MYO5B: variants seen among roughly 807,000 people sequenced by gnomAD.
MYO5B encodes the protein unconventional myosin-Vb.
In MYO5B, 143 loss-of-function variants were observed where a neutral mutation model predicts 229.3. The ratio of observed to expected loss-of-function variants is 0.62; its 90% CI spans 0.54 to 0.72. MYO5B has a LOEUF of 0.72. MYO5B is among the 30% of genes least tolerant of loss of function. The pLI is 0.00. For missense variants in MYO5B, 2,321 were observed against 2,331.0 expected, an observed-to-expected ratio of 1.00 and a Z score of 0.09; for synonymous variants, 918 against 885.2, an observed-to-expected ratio of 1.04 and a Z score of -0.66.
intron 2 of MYO5B, among the ~76,000 whole-genome samples, chr18:50,044,983 A>C (rs991942906): frequency 2.6e-5 from 4 of 152,076 alleles, no homozygotes; most frequent in African/African-American, 9.7e-5. Context: ...GTAAATCCAT[A>C]TTTTACATGT....
At chr18:50,002,811 G>T (rs556310869) in intron 4 of MYO5B, among the ~76,000 whole-genome samples, 3 of 152,110 alleles carry the variant, frequency 2.0e-5, no homozygotes, top group Non-Finnish European at 4.4e-5. Flanking sequence ...TCCATATGAG[G>T]ACAGGTTTAG....
chr18:49,943,527 G>C (rs556192959), intron 14 of MYO5B, among the ~76,000 whole-genome samples: 1 of 152,184 alleles, frequency 6.6e-6, no homozygotes, highest in South Asian at 2.1e-4. Flanking sequence ...TTTGTATTAG[G>C]TACTCAATTC....
intron 1 of MYO5B, among the ~76,000 whole-genome samples, chr18:50,142,811 C>T (rs150656592): frequency 1.7e-4 from 26 of 152,296 alleles, no homozygotes; most frequent in African/African-American, 5.3e-4. Flanking sequence ...TTCAGGTTTG[C>T]CTCGATTTGC....
At chr18:49,957,072 A>G (rs946873705) in intron 12 of MYO5B, among the ~76,000 whole-genome samples, 1 of 146,270 alleles carries the variant, frequency 6.8e-6, no homozygotes, top group Admixed American at 7.1e-5. Flanking sequence ...TGGTATGTCA[A>G]TTATATCTCA....
intron 12 of MYO5B, among the ~76,000 whole-genome samples, chr18:49,960,605 A>G (rs1231092040): frequency 6.6e-6 from 1 of 152,242 alleles, no homozygotes; most frequent in East Asian, 1.9e-4. Context: ...CTATCAGACT[A>G]TGCTAAATCA....
At chr18:49,932,666 AAAACAAAC>A (rs369317526) in intron 16 of MYO5B, among the ~76,000 whole-genome samples, 1 of 152,172 alleles carries the variant, frequency 6.6e-6, no homozygotes, top group African/African-American at 2.4e-5. Flanking sequence ...CTATGTTACA[AAAACAAAC>A]AAACAAACAA....
chr18:50,013,577 T>C (rs1231512799), intron 4 of MYO5B, among the ~76,000 whole-genome samples: 2 of 152,234 alleles, frequency 1.3e-5, no homozygotes, highest in Non-Finnish European at 2.9e-5. Flanking sequence ...AAGATCTTGC[T>C]TGTAGTAATT....
chr18:49,907,709 G>A (rs1362166668), intron 18 of MYO5B, among the ~76,000 whole-genome samples: 1 of 152,272 alleles, frequency 6.6e-6, no homozygotes, highest in Non-Finnish European at 1.5e-5. Context: ...GTTACTAGGA[G>A]TCGGGTTCCA....
At chr18:49,946,482 C>G (rs933553296) in intron 14 of MYO5B, 1 of 152,148 alleles carries the variant, frequency 6.6e-6, no homozygotes, top group Non-Finnish European at 1.5e-5. Flanking sequence ...AAAAATCACA[C>G]TAGGAACTTG....
chr18:49,956,597 G>C (rs1187380338), intron 12 of MYO5B, among the ~76,000 whole-genome samples: 1 of 152,172 alleles, frequency 6.6e-6, no homozygotes, highest in East Asian at 1.9e-4. Flanking sequence ...CTTATATTTT[G>C]ATAACTTCTG....
chr18:50,046,535 G>A (rs1333491006), intron 2 of MYO5B, among the ~76,000 whole-genome samples: 1 of 152,006 alleles, frequency 6.6e-6, no homozygotes, highest in Non-Finnish European at 1.5e-5. Flanking sequence ...TGGATGCAGG[G>A]GTTTTCTCAT....
intron 2 of MYO5B, among the ~76,000 whole-genome samples, chr18:50,040,926 T>C (rs2144391449): frequency 6.6e-6 from 1 of 152,334 alleles, no homozygotes; most frequent in Non-Finnish European, 1.5e-5. Context: ...GTGTTATCCT[T>C]GTATTCTTAG....
intron 4 of MYO5B, among the ~76,000 whole-genome samples, chr18:50,016,323 T>C (rs1233895172): frequency 1.3e-5 from 2 of 152,268 alleles, no homozygotes; most frequent in African/African-American, 4.8e-5. Flanking sequence ...GCATTCATTT[T>C]ATATTTAATA....
intron 2 of MYO5B, among the ~76,000 whole-genome samples, chr18:50,048,100 TAATAA>T (rs2030288381): frequency 6.9e-6 from 1 of 145,004 alleles, no homozygotes; most frequent in Non-Finnish European, 1.5e-5. Context: ...ATAATAATAA[TAATAA>T]AGTGTACAAA....
intron 13 of MYO5B, among the ~76,000 whole-genome samples, chr18:49,953,824 C>T (rs2025454889): frequency 6.6e-6 from 1 of 152,064 alleles, no homozygotes. Flanking sequence ...ACTTTGTTTA[C>T]AGCCCTCCCT....
In MYO5B at chr18:49,825,426, A is replaced by C. The variant is rs1568598118; in HGVS notation, c.*1045T>G. 1.3e-5 allele frequency: 2 copies of C among 151,332 alleles called. No homozygotes were observed. Among genetic ancestry groups the C allele is most frequent in the African/African-American group, 2.4e-5 (1 of 41,296 alleles). 9.4% of individuals were successfully genotyped at this position (151,332 alleles called of 1,614,324 possible). On this transcript the variant is annotated 3_prime_UTR_variant, in exon 40 of 40. Coordinates refer to ENST00000285039, the MANE Select transcript of MYO5B (RefSeq NM_001080467.3). ...CATTTTATTCTCTTAAAAAAAAAAA[A>C]CCCAAACTTTTGTATAATATCCCTG...
chr18:50,098,098 G>C (rs920478574), intron 1 of MYO5B, among the ~76,000 whole-genome samples: 4 of 152,150 alleles, frequency 2.6e-5, no homozygotes, highest in African/African-American at 7.2e-5. Flanking sequence ...TCAGAGTAAA[G>C]AATTCCCTTC....
Position 49,971,556 on chromosome 18 carries a change from T to C in MYO5B, c.1322+2794A>G, listed in dbSNP as rs185016837. 3.0e-3 allele frequency among the ~76,000 whole-genome samples: 460 copies of C among 152,322 alleles called. 2 individuals carry two copies. The highest frequency in any genetic ancestry group is 4.0e-3 in the Non-Finnish European group (273 of 68,030). On this transcript the variant is annotated intron_variant, in intron 10 of 39. Transcript: ENST00000285039. The stretch of plus-strand genomic sequence containing the variant: ...TCAAGCCACCTGCTCTTCCGTTAAT[T>C]TGTTGATTTTAATCTCCTAAGAGTT...
intron 16 of MYO5B, among the ~76,000 whole-genome samples, chr18:49,931,736 T>C (rs1055838746): frequency 2.6e-5 from 4 of 152,132 alleles, no homozygotes; most frequent in Admixed American, 6.5e-5. Flanking sequence ...CTGCGAGTGA[T>C]CAGAAGCCTT....
Sources: gnomAD v4.1 joint callset for allele counts (sites outside exome capture counted in the v4.1 genomes callset) on GRCh38, gnomAD v4.1.1 for gene constraint, MANE v1.5 for transcripts, NCBI Gene and HGNC (gene_info 2026-07-23, HGNC 2026-07-21) for gene names.